Variants in MACROD2 observed in about 807,000 individuals in gnomAD.
MACROD2 encodes the protein mono-ADP ribosylhydrolase 2.
A neutral mutation model predicts 70.4 loss-of-function variants in MACROD2; 36 were observed. The observed-to-expected ratio is 0.51, with a 90% CI of 0.39 to 0.68. MACROD2 has a LOEUF of 0.68. Ranked by LOEUF, MACROD2 falls within the 30% of genes least tolerant of loss-of-function variation. The pLI, the probability that MACROD2 is intolerant of heterozygous loss-of-function variation, is 0.00. For synonymous variants in MACROD2, 172 were observed against 178.8 expected, an observed-to-expected ratio of 0.96 and a Z score of 0.30; for missense variants, 496 against 538.4, an observed-to-expected ratio of 0.92 and a Z score of 0.78.
At chr20:14,883,730 A>G (rs1437741153) in intron 5 of MACROD2, among the ~76,000 whole-genome samples, 1 of 152,154 alleles carries the variant, frequency 6.6e-6, no homozygotes, top group Non-Finnish European at 1.5e-5. Flanking sequence ...TTGATCTCCA[A>G]CTTAATATAG....
At chr20:14,587,119 A>T (rs902627443) in intron 4 of MACROD2, among the ~76,000 whole-genome samples, 2 of 151,848 alleles carry the variant, frequency 1.3e-5, no homozygotes, top group Non-Finnish European at 2.9e-5. Context: ...CTTTTATAGA[A>T]CTTTAAAAAT....
chr20:15,930,067 T>A (rs969238007), intron 10 of MACROD2, among the ~76,000 whole-genome samples: 2 of 152,232 alleles, frequency 1.3e-5, no homozygotes, highest in African/African-American at 4.8e-5. Flanking sequence ...CTGAGAACAT[T>A]TAGCTTCTAT....
intron 8 of MACROD2, among the ~76,000 whole-genome samples, chr20:15,602,455 A>G (rs1468141498): frequency 6.7e-6 from 1 of 149,018 alleles, no homozygotes; most frequent in Non-Finnish European, 1.5e-5. Context: ...GCGCTTCCTC[A>G]TTATCTTTCT....
At chr20:14,034,686 C>G (rs917783214) in intron 2 of MACROD2, among the ~76,000 whole-genome samples, 1 of 152,104 alleles carries the variant, frequency 6.6e-6, no homozygotes, top group Non-Finnish European at 1.5e-5. Context: ...ATTCGTCAGC[C>G]GTTTATTATA....
At chr20:16,032,768 A>G (rs768328976) in intron 15 of MACROD2, among the ~76,000 whole-genome samples, 3 of 106,576 alleles carry the variant, frequency 2.8e-5, no homozygotes, top group Non-Finnish European at 6.3e-5. Flanking sequence ...GAAGAGAGGA[A>G]GGAAGAGAGG....
At chr20:14,493,072 A>G (rs1159266269) in intron 3 of MACROD2, among the ~76,000 whole-genome samples, 1 of 152,036 alleles carries the variant, frequency 6.6e-6, no homozygotes, top group Non-Finnish European at 1.5e-5. Flanking sequence ...TGTTTAACTT[A>G]ATTTAAATTA....
intron 3 of MACROD2, among the ~76,000 whole-genome samples, chr20:14,137,366 A>C (rs536874512): frequency 6.6e-6 from 1 of 152,356 alleles, no homozygotes; most frequent in East Asian, 1.9e-4. Context: ...GTGCAGCATT[A>C]TAAAGGTCTT....
chr20:14,693,209 G>A (rs2071083319), intron 5 of MACROD2, among the ~76,000 whole-genome samples: 1 of 152,184 alleles, frequency 6.6e-6, no homozygotes. Flanking sequence ...GCCTTTGGAT[G>A]TGTTTAATCA....
At chr20:15,849,845 A>G (rs2064276626) in intron 8 of MACROD2, among the ~76,000 whole-genome samples, 1 of 152,100 alleles carries the variant, frequency 6.6e-6, no homozygotes, top group Non-Finnish European at 1.5e-5. Flanking sequence ...TGTGCTGGAT[A>G]AACAATGGCT....
chr20:14,698,714 G>A (rs2071155400), intron 5 of MACROD2, among the ~76,000 whole-genome samples: 1 of 150,856 alleles, frequency 6.6e-6, no homozygotes, highest in South Asian at 2.1e-4. Context: ...ACCTGTGAAT[G>A]AGCAAATATG....
chr20:14,028,586 G>T (rs2053207557), intron 2 of MACROD2, among the ~76,000 whole-genome samples: 1 of 152,214 alleles, frequency 6.6e-6, no homozygotes, highest in African/African-American at 2.4e-5. Context: ...TCTGCAGGTT[G>T]CGAAGACCAT....
At chr20:14,559,717 A>C (rs1174406711) in intron 4 of MACROD2, among the ~76,000 whole-genome samples, 2 of 151,816 alleles carry the variant, frequency 1.3e-5, no homozygotes, top group Non-Finnish European at 2.9e-5. Context: ...AAATCATTTT[A>C]GGGCTGACCT....
At chr20:14,040,244 A>G (rs879579640) in intron 2 of MACROD2, among the ~76,000 whole-genome samples, 7 of 152,186 alleles carry the variant, frequency 4.6e-5, no homozygotes, top group Non-Finnish European at 7.3e-5. Context: ...TATATATAGC[A>G]TAGCCTATTA....
chr20:14,415,393 G>A (rs2083792806), intron 3 of MACROD2, among the ~76,000 whole-genome samples: 1 of 150,640 alleles, frequency 6.6e-6, no homozygotes, highest in Non-Finnish European at 1.5e-5. Flanking sequence ...TATATTTACA[G>A]CTTATTTAAA....
chr20:14,949,669 T>C (rs951928352), intron 5 of MACROD2, among the ~76,000 whole-genome samples: 1 of 152,214 alleles, frequency 6.6e-6, no homozygotes, highest in Admixed American at 6.5e-5. Context: ...AACTGGCTCA[T>C]TGACGCATTC....
chr20:15,225,932 A>G (rs2076902279), intron 5 of MACROD2, among the ~76,000 whole-genome samples: 1 of 152,170 alleles, frequency 6.6e-6, no homozygotes, highest in South Asian at 2.1e-4. Context: ...TACATTTGTA[A>G]TTTTGTTAGA....
chr20:14,093,905 C>T (rs573702775), intron 3 of MACROD2, among the ~76,000 whole-genome samples: 25 of 151,618 alleles, frequency 1.6e-4, no homozygotes, highest in Non-Finnish European at 3.2e-4. Flanking sequence ...CCACATGTGG[C>T]TGAGTGTGCT....
At position 15,308,686 on chromosome 20, in the gene MACROD2, T is replaced by C. The variant is rs554942806; in HGVS notation, c.540+78625T>C. ...AAGGAAGAAGTCCAACTGAATTTCATGATTGTTCTCAAGGGGACAAATAAA... is the reference window on the plus strand; with the variant it reads ...AAGGAAGAAGTCCAACTGAATTTCACGATTGTTCTCAAGGGGACAAATAAA... On this transcript the variant is annotated intron_variant, in intron 6 of 17. Coordinates refer to ENST00000684519, the MANE Select transcript of MACROD2 (RefSeq NM_001351661.2). Among the ~76,000 whole-genome samples the C allele has an allele frequency of 5.3e-4, 80 of 152,318 alleles. 1 individual carries two copies. The highest frequency in any genetic ancestry group is 1.8e-3 in the African/African-American group (74 of 41,588).
intron 3 of MACROD2, among the ~76,000 whole-genome samples, chr20:14,305,033 C>G (rs1457293863): frequency 6.6e-6 from 1 of 152,190 alleles, no homozygotes; most frequent in East Asian, 1.9e-4. Flanking sequence ...CACTCCAGAC[C>G]AATTAACTCA....
Sources: allele counts gnomAD v4.1 joint callset (sites outside exome capture counted in the v4.1 genomes callset), GRCh38; gene constraint gnomAD v4.1.1; transcripts MANE v1.5; gene names NCBI Gene and HGNC (gene_info 2026-07-23, HGNC 2026-07-21).